KATNBL1: variants seen among roughly 807,000 people sequenced by gnomAD.
KATNBL1 encodes KATNB1-like protein 1.
A neutral mutation model predicts 44.7 loss-of-function variants in KATNBL1; 28 were observed. The observed-to-expected ratio is 0.63, with a 90% CI of 0.46 to 0.86. The LOEUF (loss-of-function observed/expected upper bound fraction) is 0.86, where lower values mean the gene tolerates loss of function less well. Among genes scored for constraint, KATNBL1 ranks in the 40% least tolerant of loss-of-function variants. KATNBL1 has a pLI of 0.00. For synonymous variants in KATNBL1, 78 were observed against 114.9 expected, an observed-to-expected ratio of 0.68 and a Z score of 2.06; for missense variants, 272 against 350.7, an observed-to-expected ratio of 0.78 and a Z score of 1.79.
chr15:34,161,250 AT>A (rs1023141305), intron 2 of KATNBL1, among the ~76,000 whole-genome samples: 26 of 151,918 alleles, frequency 1.7e-4, no homozygotes, highest in South Asian at 4.2e-4. Flanking sequence ...GTATGTGATT[AT>A]TTTTTTTCCC....
At chr15:34,179,555 A>G (rs141379143) in intron 1 of KATNBL1, among the ~76,000 whole-genome samples, 347 of 152,216 alleles carry the variant, frequency 2.3e-3, no homozygotes, top group African/African-American at 8.1e-3. Flanking sequence ...GCTGGCCTCA[A>G]ACTCCCGGAC....
At chr15:34,145,030 C>T (rs1888266952) in intron 9 of KATNBL1, 7 of 986,160 alleles carry the variant, frequency 7.1e-6, no homozygotes, top group Non-Finnish European at 8.5e-6. Context: ...AACTTAATCT[C>T]CAAAACCATT....
chr15:34,175,439 G>C (rs367899777), intron 1 of KATNBL1, among the ~76,000 whole-genome samples: 1 of 152,110 alleles, frequency 6.6e-6, no homozygotes, highest in Non-Finnish European at 1.5e-5. Flanking sequence ...TGTTTTTAAA[G>C]AATCTATAAA....
At chr15:34,163,813 T>C (rs1264994319) in intron 1 of KATNBL1, 123 bp from the exon 2 acceptor site, 3 of 506,940 alleles carry the variant, frequency 5.9e-6, no homozygotes, top group Non-Finnish European at 1.0e-5. Context: ...ATCATTTTAA[T>C]TTACACATTT....
At chr15:34,180,171 CT>C (rs1333264728) in intron 1 of KATNBL1, among the ~76,000 whole-genome samples, 3 of 152,170 alleles carry the variant, frequency 2.0e-5, no homozygotes, top group African/African-American at 7.2e-5. Flanking sequence ...TACTCTTTCT[CT>C]GCTTCCCTTT....
chr15:34,186,287 C>T (rs1282015573), intron 1 of KATNBL1, among the ~76,000 whole-genome samples: 2 of 152,162 alleles, frequency 1.3e-5, no homozygotes, highest in East Asian at 1.9e-4. Flanking sequence ...GTGGGAGCCC[C>T]GCCCCTTCTG....
At chr15:34,164,239 A>AT (rs1888897364) in intron 1 of KATNBL1, among the ~76,000 whole-genome samples, 1 of 152,114 alleles carries the variant, frequency 6.6e-6, no homozygotes, top group Non-Finnish European at 1.5e-5. Context: ...TATTGTATGT[A>AT]TTTTTTTGTG....
chr15:34,168,796 C>T (rs908348902), intron 1 of KATNBL1, among the ~76,000 whole-genome samples: 5 of 152,148 alleles, frequency 3.3e-5, no homozygotes, highest in African/African-American at 1.2e-4. Flanking sequence ...CACTCAAAAC[C>T]ATACAACTAC....
intron 1 of KATNBL1, among the ~76,000 whole-genome samples, chr15:34,204,989 GTTTTTTTTTT>G (rs565440431): frequency 7.3e-6 from 1 of 136,430 alleles, no homozygotes; most frequent in Non-Finnish European, 1.6e-5. Context: ...AAGAGGGACA[GTTTTTTTTTT>G]TTTTTTTTCC....
intron 1 of KATNBL1, among the ~76,000 whole-genome samples, chr15:34,169,248 T>A (rs1894557218): frequency 6.6e-6 from 1 of 152,072 alleles, no homozygotes; most frequent in Non-Finnish European, 1.5e-5. Context: ...TAAAAATTGA[T>A]AAAGGGGATA....
At chr15:34,200,420 TTG>T in intron 1 of KATNBL1, among the ~76,000 whole-genome samples, 1 of 73,816 alleles carries the variant, frequency 1.4e-5, no homozygotes, top group South Asian at 4.1e-4. Context: ...GCCCAGCTAA[TTG>T]TTTTTTTTTT....
chr15:34,198,144 T>A (rs1324052103), intron 1 of KATNBL1: 1 of 152,188 alleles, frequency 6.6e-6, no homozygotes, highest in Non-Finnish European at 1.5e-5. Flanking sequence ...TACAAATTCT[T>A]ATGTAAAGGA....
At chr15:34,179,075 T>C (rs1397040423) in intron 1 of KATNBL1, among the ~76,000 whole-genome samples, 2 of 152,320 alleles carry the variant, frequency 1.3e-5, no homozygotes, top group East Asian at 3.9e-4. Context: ...GGCTGTTTTG[T>C]GAAGTGAAGC....
At chr15:34,177,462 T>G (rs554926549) in intron 1 of KATNBL1, among the ~76,000 whole-genome samples, 1 of 152,012 alleles carries the variant, frequency 6.6e-6, no homozygotes, top group African/African-American at 2.4e-5. Flanking sequence ...CTGACCAACA[T>G]AGTGAAATCC....
chr15:34,167,279 G>A (rs1889007837), intron 1 of KATNBL1, among the ~76,000 whole-genome samples: 1 of 152,206 alleles, frequency 6.6e-6, no homozygotes, highest in South Asian at 2.1e-4. Flanking sequence ...GAAAATCACA[G>A]TACGAGAACT....
At chr15:34,190,886 AG>A (rs1889852678) in intron 1 of KATNBL1, among the ~76,000 whole-genome samples, 3 of 152,310 alleles carry the variant, frequency 2.0e-5, no homozygotes, top group Middle Eastern at 6.8e-3. Flanking sequence ...TGCGACCATG[AG>A]GATGCAATTA....
At chr15:34,154,443 T>C (rs1888575461) in intron 3 of KATNBL1, among the ~76,000 whole-genome samples, 1 of 152,200 alleles carries the variant, frequency 6.6e-6, no homozygotes, top group Admixed American at 6.5e-5. Context: ...ATGTTATCTA[T>C]AGAGTAGGCT....
intron 1 of KATNBL1, among the ~76,000 whole-genome samples, chr15:34,183,302 G>A (rs963894010): frequency 9.9e-5 from 15 of 152,178 alleles, no homozygotes; most frequent in African/African-American, 3.4e-4. Flanking sequence ...AGGCCAATGG[G>A]AGTTAAAACT....
intron 1 of KATNBL1, among the ~76,000 whole-genome samples, chr15:34,175,156 A>ACACACG (rs1258964208): frequency 6.3e-5 from 9 of 143,946 alleles, no homozygotes; most frequent in African/African-American, 2.3e-4. Context: ...ACACACACAC[A>ACACACG]CGCATATATA....
Sources: allele counts gnomAD v4.1 joint callset (sites outside exome capture counted in the v4.1 genomes callset), GRCh38; gene constraint gnomAD v4.1.1; transcripts MANE v1.5; gene names NCBI Gene and HGNC (gene_info 2026-07-23, HGNC 2026-07-21).